The following NEURL1B variants were observed in gnomAD, a reference collection of about 807,000 sequenced individuals.
The protein encoded by NEURL1B is neuralized E3 ubiquitin protein ligase 1B.
A neutral mutation model predicts 37.4 loss-of-function variants in NEURL1B; 13 were observed. That is an observed-to-expected ratio of 0.35 (90% CI 0.23 to 0.55). The LOEUF is 0.55. Ranked by LOEUF, NEURL1B falls within the 20% of genes least tolerant of loss-of-function variation. The pLI is 0.89. For missense variants in NEURL1B, 790 were observed against 879.2 expected (o/e 0.90, Z 1.28); for synonymous variants, 432 against 426.6 (o/e 1.01, Z -0.16).
Position 172,641,451 on chromosome 5 carries a change from C to T in NEURL1B, c.31+14C>T. On this transcript the variant is annotated intron_variant, in intron 1 of 4. Coordinates refer to ENST00000369800, the MANE Select transcript of NEURL1B (RefSeq NM_001142651.3). This position sits in a 1 kb window ranked among gnomAD's most constrained non-coding sequence, Gnocchi z 6.4. ...GGACCCTGCCAGGTACGCCGGGGAG[C>T]CCTGCCCGGGAGGCGGGCGCCGGGC... 2 of 1,315,752 alleles carry T rather than the reference C, an allele frequency of 1.5e-6. No individual in the cohort carries two copies. The highest frequency in any genetic ancestry group is 2.0e-5 in the South Asian group (1 of 50,228). 81.5% of individuals were successfully genotyped at this position (1,315,752 alleles called of 1,614,324 possible). A position where few individuals can be genotyped will look rare whatever the true frequency, so the allele number is the denominator to read the frequency against.
intron 1 of NEURL1B, chr5:172,656,410 C>A: frequency 1.3e-6 from 1 of 759,170 alleles, no homozygotes; most frequent in Non-Finnish European, 2.1e-6. Context: ...AGCTCCAAGA[C>A]AACACTTAAT....
rs1014540562 is a variant in NEURL1B, at chr5:172,674,923, G to A, written c.577+4593G>A. Among the ~76,000 whole-genome samples, 8 of 152,302 alleles carry A rather than the reference G, an allele frequency of 5.3e-5. No individual in the cohort carries two copies. In the East Asian group the frequency reaches 1.5e-3, roughly 29 times the overall value. On this transcript the variant is annotated intron_variant, in intron 2 of 4. Coordinates refer to ENST00000369800, the MANE Select transcript of NEURL1B (RefSeq NM_001142651.3). ...CTCGTTCTGTTGCCCAGGCTGGAGA[G>A]CTGTGGCGCAATCTTGGCTCACTGC... is the stretch of plus-strand genomic sequence containing the variant.
At chr5:172,685,371 C>T (rs1393197961) in intron 3 of NEURL1B, among the ~76,000 whole-genome samples, 6 of 152,174 alleles carry the variant, frequency 3.9e-5, no homozygotes, top group African/African-American at 1.4e-4. Flanking sequence ...AACCATCAGA[C>T]ATAGTCATCA....
chr5:172,641,460 G>A lies in NEURL1B; in HGVS notation c.31+23G>A. On this transcript the variant is annotated intron_variant, in intron 1 of 4. Transcript: ENST00000369800. This position sits in a 1 kb window ranked among gnomAD's most constrained non-coding sequence, Gnocchi z 6.4. ...CAGGTACGCCGGGGAGCCCTGCCCG[G>A]GAGGCGGGCGCCGGGCTTCTCTCCT... 1 of 1,312,628 alleles carries A rather than the reference G, an allele frequency of 7.6e-7. No homozygotes were observed. Among genetic ancestry groups the A allele is most frequent in the Non-Finnish European group, 9.7e-7 (1 of 1,032,144 alleles). The allele number at this position is 1,312,628 out of a possible 1,614,324, so 81.3% of individuals were successfully genotyped here.
At chr5:172,658,451 GAA>G (rs1317044863) in intron 1 of NEURL1B, among the ~76,000 whole-genome samples, 2 of 149,334 alleles carry the variant, frequency 1.3e-5, no homozygotes, top group East Asian at 3.9e-4. Context: ...GGGGGAGAGA[GAA>G]GAGAAGGCTG....
chr5:172,677,683 G>A (rs1478101989), intron 2 of NEURL1B, among the ~76,000 whole-genome samples: 1 of 151,956 alleles, frequency 6.6e-6, no homozygotes, highest in East Asian at 1.9e-4. Flanking sequence ...TTCCCCCCGT[G>A]GCCGTGGATA....
chr5:172,655,289 C>T (rs770138137), intron 1 of NEURL1B, among the ~76,000 whole-genome samples: 2 of 152,066 alleles, frequency 1.3e-5, no homozygotes, highest in Non-Finnish European at 2.9e-5. Flanking sequence ...CTGGAAGGCT[C>T]AACCCCTCAA....
In NEURL1B at chr5:172,676,489, C is replaced by T. The variant is rs992966491; in HGVS notation, c.577+6159C>T. On this transcript the variant is annotated intron_variant, in intron 2 of 4. Coordinates refer to ENST00000369800, the MANE Select transcript of NEURL1B (RefSeq NM_001142651.3). This position sits in a 1 kb window ranked among gnomAD's most constrained non-coding sequence, Gnocchi z 4.5. ...CACATGCCTATCCTTGAACCCATCT[C>T]CATGGCCAGGGGCATAGGATGAAGT... Among the ~76,000 whole-genome samples, 2 of 152,234 alleles carry T rather than the reference C, an allele frequency of 1.3e-5. No individual in the cohort carries two copies. Among genetic ancestry groups the T allele is most frequent in the African/African-American group, 2.4e-5 (1 of 41,452 alleles).
intron 1 of NEURL1B, among the ~76,000 whole-genome samples, chr5:172,666,319 C>T (rs908967079): frequency 9.2e-5 from 14 of 152,230 alleles, no homozygotes; most frequent in Non-Finnish European, 1.5e-4. Flanking sequence ...AACTCCATTT[C>T]GTCATGCATG....
chr5:172,683,795 GC>G lies in NEURL1B; in HGVS notation c.957del (p.Gly320AlafsTer140). The G allele has an allele frequency of 7.7e-7, 1 of 1,299,754 alleles. No individual in the cohort carries two copies. Among genetic ancestry groups the G allele is most frequent in the Non-Finnish European group, 9.8e-7 (1 of 1,020,952 alleles). 80.5% of individuals were successfully genotyped at this position (1,299,754 alleles called of 1,614,324 possible). A position where few individuals can be genotyped will look rare whatever the true frequency, so the allele number is the denominator to read the frequency against. ...TLVFSERPLR[P>X]GESLFVEVGR... ...TGGTCTTCTCCGAGCGCCCGCTGCG[GC>G]CCGGCGAGAGCCTCTTCGTGGAGGT... On this transcript the variant is annotated frameshift_variant, in exon 3 of 5. Transcript: ENST00000369800. LOFTEE classifies it high-confidence loss of function. This position sits in a 1 kb window ranked among gnomAD's most constrained non-coding sequence, Gnocchi z 5.6.
intron 3 of NEURL1B, among the ~76,000 whole-genome samples, 156 bp downstream of exon 3, chr5:172,684,294 C>T (rs1229200507): frequency 6.6e-6 from 1 of 152,040 alleles, no homozygotes; most frequent in South Asian, 2.1e-4. Flanking sequence ...CGGGCACGAT[C>T]CACCCCGTCC....
intron 1 of NEURL1B, among the ~76,000 whole-genome samples, chr5:172,646,833 G>A (rs910746246): frequency 2.0e-5 from 3 of 151,954 alleles, no homozygotes; most frequent in Non-Finnish European, 4.4e-5. Flanking sequence ...AGGGCACCAT[G>A]TGCAAAGGCC....
chr5:172,667,432 A>G (rs1249780210), intron 1 of NEURL1B, among the ~76,000 whole-genome samples: 1 of 146,256 alleles, frequency 6.8e-6, no homozygotes, highest in African/African-American at 2.7e-5. Context: ...GGCAACAGAG[A>G]AAGACTCCAT....
intron 1 of NEURL1B, among the ~76,000 whole-genome samples, chr5:172,663,492 G>A (rs1204931617): frequency 1.4e-5 from 2 of 143,584 alleles, no homozygotes; most frequent in Non-Finnish European, 3.0e-5. Context: ...CTGCACTCCA[G>A]CCTGGGGGAC....
At chr5:172,670,584 C>T (rs769901054) in intron 2 of NEURL1B, among the ~76,000 whole-genome samples, 4 of 152,240 alleles carry the variant, frequency 2.6e-5, no homozygotes, top group Non-Finnish European at 5.9e-5. Flanking sequence ...ATGGTTTGAA[C>T]CCATGCTCTG....
intron 1 of NEURL1B, among the ~76,000 whole-genome samples, chr5:172,649,739 G>A (rs1402885305): frequency 6.6e-6 from 1 of 152,090 alleles, no homozygotes; most frequent in East Asian, 1.9e-4. Context: ...TATAGATCAG[G>A]ACATATAAGG....
Position 172,689,628 on chromosome 5 carries a change from G to C in NEURL1B, c.*2703G>C, listed in dbSNP as rs1366152641. 1.3e-5 allele frequency: 2 copies of C among 152,224 alleles called. No homozygotes were observed. Among genetic ancestry groups the C allele is most frequent in the Admixed American group, 6.5e-5 (1 of 15,284 alleles). The allele number at this position is 152,224 out of a possible 1,614,324, so 9.4% of individuals were successfully genotyped here. A position where few individuals can be genotyped will look rare whatever the true frequency, so the allele number is the denominator to read the frequency against. Reference sequence around the variant, plus strand: ...GGTCCTGTGAGTGAAGTGACCTCATGATCACACAACAGGAGATGGCAGGGC... The same window carrying C: ...GGTCCTGTGAGTGAAGTGACCTCATCATCACACAACAGGAGATGGCAGGGC... On this transcript the variant is annotated 3_prime_UTR_variant, in exon 5 of 5. Coordinates refer to ENST00000369800, the MANE Select transcript of NEURL1B (RefSeq NM_001142651.3).
Position 172,684,072 on chromosome 5 carries a change from A to C in NEURL1B, c.1231A>C (p.Thr411Pro). ...GCGCGGCCGCCTGCTGTGCGTCGAC[A>C]CCACGCAGGCGCTCTGGGCCTTCTT... ...RPRGRLLCVD[T>P]TQALWAFFAV... The change falls in exon 3 of 5, where the codon ACC (threonine) becomes CCC (proline). Residue 411 changes from threonine (T) to proline (P), a missense_variant. Coordinates refer to ENST00000369800, the MANE Select transcript of NEURL1B (RefSeq NM_001142651.3). The C allele has an allele frequency of 1.5e-6, 2 of 1,319,262 alleles. No individual in the cohort carries two copies. Among genetic ancestry groups the C allele is most frequent in the Non-Finnish European group, 1.9e-6 (2 of 1,033,834 alleles). 81.7% of individuals were successfully genotyped at this position (1,319,262 alleles called of 1,614,324 possible).
intron 1 of NEURL1B, among the ~76,000 whole-genome samples, chr5:172,645,013 T>C (rs183789891): frequency 6.6e-6 from 1 of 152,270 alleles, no homozygotes; most frequent in Non-Finnish European, 1.5e-5. Flanking sequence ...GGTTTCATCA[T>C]TAAGTTGGCC....
Sources: allele counts gnomAD v4.1 joint callset (sites outside exome capture counted in the v4.1 genomes callset), GRCh38; gene constraint gnomAD v4.1.1; non-coding constraint Gnocchi (gnomAD v3.1); transcripts MANE v1.5; gene names NCBI Gene and HGNC (gene_info 2026-07-23, HGNC 2026-07-21).